OTUD7A: variants seen among roughly 807,000 people sequenced by gnomAD.
OTUD7A encodes the protein OTU deubiquitinase 7A, also known as OTU domain-containing protein 7A.
Under a neutral mutation model 65.7 loss-of-function variants are expected in OTUD7A, and 12 were observed. The ratio of observed to expected loss-of-function variants is 0.18; its 90% CI spans 0.12 to 0.30. OTUD7A has a LOEUF of 0.30. Ranked by LOEUF, OTUD7A falls within the 10% of genes least tolerant of loss-of-function variation. The pLI is 1.00. For missense variants in OTUD7A, 1,148 were observed against 1,304.8 expected, an observed-to-expected ratio of 0.88 and a Z score of 1.85; for synonymous variants, 641 against 586.3, an observed-to-expected ratio of 1.09 and a Z score of -1.35.
At chr15:31,599,603 C>T (rs1167594211) in intron 3 of OTUD7A, among the ~76,000 whole-genome samples, 1 of 152,172 alleles carries the variant, frequency 6.6e-6, no homozygotes, top group Admixed American at 6.5e-5. Context: ...ATCACAACTC[C>T]TCGCCAGCAA....
At chr15:31,583,797 T>A (rs1282296441) in intron 3 of OTUD7A, among the ~76,000 whole-genome samples, 1 of 152,074 alleles carries the variant, frequency 6.6e-6, no homozygotes, top group Non-Finnish European at 1.5e-5. Flanking sequence ...CTGGGACTCA[T>A]GAGGTGTCCA....
At chr15:31,867,859 C>T (rs1897919088) in intron 1 of OTUD7A, among the ~76,000 whole-genome samples, 1 of 151,960 alleles carries the variant, frequency 6.6e-6, no homozygotes, top group African/African-American at 2.4e-5. Flanking sequence ...TGCCCCCAAC[C>T]CTTCCTTAAG....
At chr15:31,736,153 A>G (rs1346678404) in intron 1 of OTUD7A, among the ~76,000 whole-genome samples, 2 of 152,102 alleles carry the variant, frequency 1.3e-5, no homozygotes, top group Non-Finnish European at 2.9e-5. Context: ...TGTACAACAA[A>G]CCCCCACAAC....
At chr15:31,592,573 C>T (rs1055401042) in intron 3 of OTUD7A, among the ~76,000 whole-genome samples, 3 of 151,892 alleles carry the variant, frequency 2.0e-5, no homozygotes, top group Admixed American at 6.6e-5. Flanking sequence ...GGCCATTTTA[C>T]ATTAACTTTA....
intron 6 of OTUD7A, among the ~76,000 whole-genome samples, chr15:31,527,754 C>T (rs1462135321): frequency 6.6e-6 from 1 of 152,232 alleles, no homozygotes; most frequent in Admixed American, 6.5e-5. Context: ...CATTTCCCTC[C>T]TCTCCAGCCC....
chr15:31,610,820 G>A lies in OTUD7A; in HGVS notation c.152-40623C>T, dbSNP rs184820988. On this transcript the variant is annotated intron_variant, in intron 3 of 12. Coordinates refer to ENST00000307050, the MANE Select transcript of OTUD7A (RefSeq NM_001382637.1). The stretch of plus-strand genomic sequence containing the variant: ...GTATTTTTGGATTTTTAGTAGAGGC[G>A]GGGTTTCACCGTGTTAGCCAGGATG... Among the ~76,000 whole-genome samples the A allele has an allele frequency of 4.1e-3, 613 of 150,534 alleles. 5 individuals carry two copies. Among genetic ancestry groups the A allele is most frequent in the African/African-American group, 0.014 (587 of 41,020 alleles).
chr15:31,618,409 T>C (rs1343079367), intron 3 of OTUD7A, among the ~76,000 whole-genome samples: 4 of 152,194 alleles, frequency 2.6e-5, no homozygotes, highest in Admixed American at 1.3e-4. Context: ...TGTAAAAGTG[T>C]TCCTATTTCT....
chr15:31,807,854 C>A (rs1487645404), intron 1 of OTUD7A, among the ~76,000 whole-genome samples: 1 of 151,968 alleles, frequency 6.6e-6, no homozygotes, highest in African/African-American at 2.4e-5. Flanking sequence ...AGACTGTTGA[C>A]CTGAACCTTT....
intron 1 of OTUD7A, among the ~76,000 whole-genome samples, chr15:31,762,058 A>G (rs919782289): frequency 8.5e-5 from 13 of 152,246 alleles, no homozygotes; most frequent in Admixed American, 3.9e-4. Flanking sequence ...GTGTTCCAAA[A>G]TTAAATTGTG....
chr15:31,850,843 G>A (rs1358525469), intron 1 of OTUD7A, among the ~76,000 whole-genome samples: 1 of 152,122 alleles, frequency 6.6e-6, no homozygotes, highest in Non-Finnish European at 1.5e-5. Context: ...AACCTCATTG[G>A]CCAGGCACAT....
intron 1 of OTUD7A, among the ~76,000 whole-genome samples, chr15:31,770,575 T>C (rs1207300410): frequency 6.6e-6 from 1 of 152,212 alleles, no homozygotes; most frequent in Non-Finnish European, 1.5e-5. Flanking sequence ...TCTATGAAGT[T>C]AGCTTTAGTC....
intron 1 of OTUD7A, among the ~76,000 whole-genome samples, chr15:31,667,418 T>A (rs1021150839): frequency 6.6e-6 from 1 of 152,186 alleles, no homozygotes; most frequent in African/African-American, 2.4e-5. Flanking sequence ...TGCTTTAAAG[T>A]TTGTTTTGCC....
intron 1 of OTUD7A, among the ~76,000 whole-genome samples, chr15:31,685,519 C>T (rs186158465): frequency 4.0e-5 from 6 of 151,838 alleles, no homozygotes; most frequent in Admixed American, 1.3e-4. Flanking sequence ...ATTAGCCGGG[C>T]GTGGTGGCGG....
intron 3 of OTUD7A, among the ~76,000 whole-genome samples, chr15:31,589,163 A>G (rs1889640226): frequency 6.6e-6 from 1 of 152,176 alleles, no homozygotes; most frequent in Non-Finnish European, 1.5e-5. Context: ...ATATACATAC[A>G]CGCATATTAC....
intron 3 of OTUD7A, among the ~76,000 whole-genome samples, chr15:31,597,991 C>G (rs1176871509): frequency 6.6e-6 from 1 of 151,984 alleles, no homozygotes; most frequent in Non-Finnish European, 1.5e-5. Context: ...GTTTCCAGTC[C>G]CCTGTGGCCA....
intron 5 of OTUD7A, among the ~76,000 whole-genome samples, chr15:31,544,827 C>A (rs1052764815): frequency 1.3e-5 from 2 of 151,632 alleles, no homozygotes; most frequent in Non-Finnish European, 3.0e-5. Flanking sequence ...AAGTACTATA[C>A]CTAAGAAGGA....
At chr15:31,749,767 C>T (rs747052606) in intron 1 of OTUD7A, among the ~76,000 whole-genome samples, 8 of 151,848 alleles carry the variant, frequency 5.3e-5, no homozygotes, top group African/African-American at 9.7e-5. Context: ...AAAAGGAAGT[C>T]GAACTATCTC....
At position 31,753,704 on chromosome 15, in the gene OTUD7A, A is replaced by ACC. The variant is rs1894713365; in HGVS notation, c.-99-96628_-99-96627insGG. 3.9e-4 allele frequency among the ~76,000 whole-genome samples: 6 copies of ACC among 15,318 alleles called. 1 individual carries two copies. The highest frequency in any genetic ancestry group is 2.3e-3 in the African/African-American group (6 of 2,606). 10.0% of individuals were successfully genotyped at this position (15,318 alleles called of 152,430 possible). A position where few individuals can be genotyped will look rare whatever the true frequency, so the allele number is the denominator to read the frequency against. On this transcript the variant is annotated intron_variant, in intron 1 of 12. Transcript: ENST00000307050. ...CCTGTGAGATATATATATATATATTATATATATATATATATATTATATATA... is the reference window on the plus strand; with the variant it reads ...CCTGTGAGATATATATATATATATTACCTATATATATATATATATTATATATA...
At chr15:31,553,859 C>G (rs955423399) in intron 5 of OTUD7A, among the ~76,000 whole-genome samples, 1 of 152,054 alleles carries the variant, frequency 6.6e-6, no homozygotes, top group Admixed American at 6.6e-5. Context: ...CTCTTACCAC[C>G]CCATAGTCCA....
Sources: gnomAD v4.1 joint callset for allele counts (sites outside exome capture counted in the v4.1 genomes callset) on GRCh38, gnomAD v4.1.1 for gene constraint, MANE v1.5 for transcripts, NCBI Gene and HGNC (gene_info 2026-07-23, HGNC 2026-07-21) for gene names.